SUSD6: variants seen among roughly 807,000 people sequenced by gnomAD.
SUSD6 encodes the protein sushi domain-containing protein 6.
In SUSD6, 16 loss-of-function variants were observed where a neutral mutation model predicts 28.4. That is an observed-to-expected ratio of 0.56 (90% CI 0.38 to 0.86). SUSD6 has a LOEUF of 0.86. Ranked by LOEUF, SUSD6 falls within the 40% of genes least tolerant of loss-of-function variation. The probability of loss-of-function intolerance (pLI) is 0.00; values close to 1 mark genes in which losing one functional copy is unlikely to be tolerated. For missense variants in SUSD6, 341 were observed against 384.2 expected (o/e 0.89, Z 0.94); for synonymous variants, 147 against 159.6 (o/e 0.92, Z 0.59).
At chr14:69,627,685 C>T (rs1240223015) in intron 1 of SUSD6, among the ~76,000 whole-genome samples, 2 of 151,868 alleles carry the variant, frequency 1.3e-5, no homozygotes, top group South Asian at 4.2e-4. Flanking sequence ...AGGATGGTCT[C>T]GATCTCCTGA....
At chr14:69,647,017 ATTG>A (rs1728351394) in intron 1 of SUSD6, among the ~76,000 whole-genome samples, 1 of 152,050 alleles carries the variant, frequency 6.6e-6, no homozygotes, top group Admixed American at 6.5e-5. Flanking sequence ...ATCATCCTTT[ATTG>A]TTCTCACTCA....
In SUSD6 at chr14:69,712,599, C is replaced by T. The variant is rs1886480892; in HGVS notation, c.*1620C>T. 1 of 152,148 alleles carries T rather than the reference C, an allele frequency of 6.6e-6. No individual in the cohort carries two copies. Among genetic ancestry groups the T allele is most frequent in the South Asian group, 2.1e-4 (1 of 4,824 alleles). 9.4% of individuals were successfully genotyped at this position (152,148 alleles called of 1,614,324 possible). On this transcript the variant is annotated 3_prime_UTR_variant, in exon 6 of 6. Transcript: ENST00000342745. ...AAAAATCCCAGTTTATTTTCAGTACCTTACCTAACAGGGTTGGCTCCAGGC... is the reference window on the plus strand; with the variant it reads ...AAAAATCCCAGTTTATTTTCAGTACTTTACCTAACAGGGTTGGCTCCAGGC...
At chr14:69,653,309 A>G (rs1043230190) in intron 1 of SUSD6, among the ~76,000 whole-genome samples, 5 of 152,248 alleles carry the variant, frequency 3.3e-5, no homozygotes, top group African/African-American at 2.4e-5. Flanking sequence ...CCCAAGAAAT[A>G]AAATCAGAAC....
chr14:69,702,508 C>A (rs1009834638), intron 2 of SUSD6, among the ~76,000 whole-genome samples: 1 of 152,208 alleles, frequency 6.6e-6, no homozygotes, highest in African/African-American at 2.4e-5. Flanking sequence ...CTGCCATCTC[C>A]CTAACTGACC....
At position 69,646,313 on chromosome 14, in the gene SUSD6, A is replaced by G. The variant is rs142905276; in HGVS notation, c.-80-12200A>G. ...CTCTCATAGGCTTTCCTTCCTCAGT[A>G]TGCCCATTATAAGTTAGCATTCTCC... On this transcript the variant is annotated intron_variant, in intron 1 of 5. Coordinates refer to ENST00000342745, the MANE Select transcript of SUSD6 (RefSeq NM_014734.4). Among the ~76,000 whole-genome samples the G allele has an allele frequency of 5.7e-4, 87 of 152,166 alleles. 1 individual carries two copies. The highest frequency in any genetic ancestry group is 2.0e-3 in the African/African-American group (84 of 41,506).
chr14:69,694,781 C>A (rs1414751666), intron 2 of SUSD6, among the ~76,000 whole-genome samples: 2 of 152,180 alleles, frequency 1.3e-5, no homozygotes, highest in Non-Finnish European at 2.9e-5. Context: ...CATTTTCCCT[C>A]TCCTGTGAGG....
chr14:69,660,810 G>A (rs915830550), intron 2 of SUSD6, among the ~76,000 whole-genome samples: 3 of 152,246 alleles, frequency 2.0e-5, no homozygotes, highest in African/African-American at 4.8e-5. Context: ...TTGGAACACA[G>A]CAGTGCTCAT....
intron 4 of SUSD6, among the ~76,000 whole-genome samples, chr14:69,706,899 G>A (rs1886394931): frequency 1.3e-5 from 2 of 152,010 alleles, no homozygotes; most frequent in South Asian, 4.1e-4. Flanking sequence ...TTGAATTGAT[G>A]AGCTGAAAGG....
intron 2 of SUSD6, 53 bp downstream of exon 2, chr14:69,658,766 GT>G: frequency 1.9e-6 from 3 of 1,611,694 alleles, no homozygotes; most frequent in Non-Finnish European, 2.5e-6. Flanking sequence ...TAATACCATT[GT>G]TTCTCTCGAA....
intron 2 of SUSD6, among the ~76,000 whole-genome samples, chr14:69,680,990 A>G (rs3784148): frequency 0.051 from 7,721 of 152,172 alleles, 317 homozygotes; most frequent in African/African-American, 0.11. Flanking sequence ...CATAAATTTT[A>G]TTTACAGTGT....
At chr14:69,679,343 C>G (rs1885963974) in intron 2 of SUSD6, among the ~76,000 whole-genome samples, 1 of 152,062 alleles carries the variant, frequency 6.6e-6, no homozygotes, top group Admixed American at 6.5e-5. Flanking sequence ...GTGTTGTGAT[C>G]ATTGATGTTA....
intron 2 of SUSD6, among the ~76,000 whole-genome samples, chr14:69,672,398 T>C (rs553558924): frequency 7.2e-5 from 11 of 152,360 alleles, no homozygotes; most frequent in Non-Finnish European, 1.3e-4. Flanking sequence ...GTCAGTCATT[T>C]TCCTCTGAGA....
chr14:69,672,050 T>C (rs2139623631), intron 2 of SUSD6, among the ~76,000 whole-genome samples: 1 of 152,378 alleles, frequency 6.6e-6, no homozygotes, highest in Non-Finnish European at 1.5e-5. Context: ...TACTATTTTT[T>C]CAGTCAGCAT....
chr14:69,686,905 C>T lies in SUSD6; in HGVS notation c.122-16490C>T, dbSNP rs145516295. Among the ~76,000 whole-genome samples, 377 of 152,290 alleles carry T rather than the reference C, an allele frequency of 2.5e-3. 2 individuals are homozygous for T. Among genetic ancestry groups the T allele is most frequent in the Non-Finnish European group, 3.7e-3 (255 of 68,020 alleles). ...TCATGTATTAATTAATGCTTTTCCC[C>T]ACATGTTGTACTCATTTATATGCTA... On this transcript the variant is annotated intron_variant, in intron 2 of 5. Coordinates refer to ENST00000342745, the MANE Select transcript of SUSD6 (RefSeq NM_014734.4).
chr14:69,708,703 A>G lies in SUSD6; in HGVS notation c.485A>G (p.Gln162Arg). Residue 162 changes from glutamine (Q) to arginine (R), a missense_variant, in exon 5 of 6, where the codon CAG becomes CGG. Gln to Arg is a conservative substitution (Grantham distance 43). Transcript: ENST00000342745. ...SRRDQGVSGD[Q>R]VSIMVDGVQV... ...CGTGACCAGGGGGTATCTGGGGACC[A>G]GGTCTCCATCATGGTGGATGGAGTC... 6.3e-7 allele frequency: 1 copy of G among 1,590,628 alleles called. No individual in the cohort carries two copies. The highest frequency in any genetic ancestry group is 1.8e-5 in the Admixed American group (1 of 56,878).
Position 69,709,053 on chromosome 14 carries a change from A to T in SUSD6, c.835A>T (p.Asn279Tyr). ...ACACAAAGAAACTGCAGATTCAGAG[A>T]ACAGTGACATACAAAGCCTTTTATC... Reference protein sequence around the residue: ...LAHKETADSENSDIQSLLSLT... With the variant: ...LAHKETADSEYSDIQSLLSLT... Residue 279 changes from asparagine (N) to tyrosine (Y), a missense_variant, in exon 5 of 6, where the codon AAC (asparagine) becomes TAC (tyrosine). By Grantham distance (143) the Asn-to-Tyr change is moderately radical. Transcript: ENST00000342745. 4 of 1,613,412 alleles carry T rather than the reference A, an allele frequency of 2.5e-6. No homozygotes were observed. Among genetic ancestry groups the T allele is most frequent in the Non-Finnish European group, 2.5e-6 (3 of 1,179,826 alleles).
intron 1 of SUSD6, among the ~76,000 whole-genome samples, chr14:69,652,275 T>C (rs931447209): frequency 6.6e-6 from 1 of 152,016 alleles, no homozygotes; most frequent in Admixed American, 6.6e-5. Flanking sequence ...GGCAAAACCC[T>C]GTCTCTACTA....
Position 69,664,468 on chromosome 14 carries a change from G to A in SUSD6, c.121+5755G>A, listed in dbSNP as rs538155792. Among the ~76,000 whole-genome samples the A allele has an allele frequency of 3.3e-5, 5 of 152,296 alleles. No individual in the cohort carries two copies. In the South Asian group the frequency reaches 1.0e-3, roughly 32 times the overall value. Reference sequence around the variant, plus strand: ...CTTCCTGTCAGCTGCAAACCCTGTTGATGAAAGTGATGTAATCTCTCCATG... The same window carrying A: ...CTTCCTGTCAGCTGCAAACCCTGTTAATGAAAGTGATGTAATCTCTCCATG... On this transcript the variant is annotated intron_variant, in intron 2 of 5. Coordinates refer to ENST00000342745, the MANE Select transcript of SUSD6 (RefSeq NM_014734.4).
rs1233874481 is a variant in SUSD6, at chr14:69,706,861, T to C, written c.459-1816T>C. Among the ~76,000 whole-genome samples the C allele has an allele frequency of 3.3e-5, 5 of 152,164 alleles. 1 individual carries two copies. The highest frequency in any genetic ancestry group is 5.9e-5 in the Non-Finnish European group (4 of 68,032). On this transcript the variant is annotated intron_variant, in intron 4 of 5. Transcript: ENST00000342745. Reference sequence around the variant, plus strand: ...TAACAACAATCTAGCAACAATAATATGGTCTAGCAGCAGACCATCTATATT... The same window carrying C: ...TAACAACAATCTAGCAACAATAATACGGTCTAGCAGCAGACCATCTATATT...
Sources: gnomAD v4.1 joint callset for allele counts (sites outside exome capture counted in the v4.1 genomes callset) on GRCh38, gnomAD v4.1.1 for gene constraint, MANE v1.5 for transcripts, NCBI Gene and HGNC (gene_info 2026-07-23, HGNC 2026-07-21) for gene names.